The following L3MBTL4 variants were observed in gnomAD, a reference collection of about 807,000 sequenced individuals.
L3MBTL4 encodes lethal(3)malignant brain tumor-like protein 4.
In L3MBTL4, 70 loss-of-function variants were observed where a neutral mutation model predicts 84.5. The observed-to-expected ratio is 0.83, with a 90% CI of 0.68 to 1.01. The LOEUF (loss-of-function observed/expected upper bound fraction) is 1.01, where lower values mean the gene tolerates loss of function less well. Among genes scored for constraint, L3MBTL4 ranks in the 50% least tolerant of loss-of-function variants. L3MBTL4 has a pLI of 0.00. For missense variants in L3MBTL4, 715 were observed against 754.8 expected (o/e 0.95, Z 0.62); for synonymous variants, 274 against 259.8 (o/e 1.05, Z -0.52).
intron 1 of L3MBTL4, among the ~76,000 whole-genome samples, chr18:6,384,209 C>T (rs1318165703): frequency 6.6e-6 from 1 of 152,160 alleles, no homozygotes; most frequent in Non-Finnish European, 1.5e-5. Context: ...TTCCCCACGA[C>T]CTCATCAAAA....
intron 1 of L3MBTL4, among the ~76,000 whole-genome samples, chr18:6,366,728 A>G (rs911163825): frequency 6.6e-6 from 1 of 152,232 alleles, no homozygotes; most frequent in Non-Finnish European, 1.5e-5. Flanking sequence ...TGTGACAGGA[A>G]AACTCAGCTA....
chr18:6,029,149 C>A lies in L3MBTL4; in HGVS notation c.1444+51732G>T, dbSNP rs559077799. On this transcript the variant is annotated intron_variant, in intron 16 of 18. Transcript: ENST00000317931. ...TATGAGGATTGAATTACTGTAATTTCTATCAGCAAATAAAAGAACAGCCAA... is the reference window on the plus strand; with the variant it reads ...TATGAGGATTGAATTACTGTAATTTATATCAGCAAATAAAAGAACAGCCAA... Among the ~76,000 whole-genome samples the A allele has an allele frequency of 5.9e-5, 9 of 152,254 alleles. No homozygotes were observed. In the East Asian group the frequency reaches 1.7e-3, roughly 29 times the overall value.
intron 14 of L3MBTL4, among the ~76,000 whole-genome samples, chr18:6,118,821 A>C (rs1450083587): frequency 6.6e-6 from 1 of 152,156 alleles, no homozygotes; most frequent in Non-Finnish European, 1.5e-5. Flanking sequence ...AAAAGTGGTT[A>C]ACTAAAGGAA....
chr18:6,237,443 A>ATTT (rs1386641049), intron 10 of L3MBTL4, among the ~76,000 whole-genome samples: 1 of 132,038 alleles, frequency 7.6e-6, no homozygotes, highest in African/African-American at 3.0e-5. Context: ...TGCCTAGTAC[A>ATTT]TCTTTTTTTT....
At chr18:6,287,657 T>G (rs2601556) in intron 4 of L3MBTL4, among the ~76,000 whole-genome samples, 31,993 of 151,996 alleles carry the variant, frequency 0.21, 3,623 homozygotes, top group African/African-American at 0.3. Flanking sequence ...GGACAAAGAG[T>G]CAAGACCAAG....
chr18:6,188,141 T>G (rs2044873222), intron 12 of L3MBTL4, among the ~76,000 whole-genome samples: 1 of 152,078 alleles, frequency 6.6e-6, no homozygotes, highest in Non-Finnish European at 1.5e-5. Context: ...TCCTGGGGTC[T>G]GGAATCTGAA....
chr18:6,224,259 C>A (rs371512705), intron 10 of L3MBTL4, among the ~76,000 whole-genome samples: 1 of 152,090 alleles, frequency 6.6e-6, no homozygotes, highest in Admixed American at 6.5e-5. Flanking sequence ...CAAAACTTTA[C>A]AAAGCTAAAA....
intron 16 of L3MBTL4, among the ~76,000 whole-genome samples, chr18:5,999,475 C>G (rs182875962): frequency 1.3e-5 from 2 of 152,312 alleles, no homozygotes; most frequent in East Asian, 3.9e-4. Context: ...TCAGAGTGTG[C>G]TGTGCTTCAT....
At chr18:6,201,201 C>T (rs2045634729) in intron 12 of L3MBTL4, among the ~76,000 whole-genome samples, 1 of 152,100 alleles carries the variant, frequency 6.6e-6, no homozygotes, top group Non-Finnish European at 1.5e-5. Flanking sequence ...ATGATGAAAA[C>T]TAAATTCATG....
chr18:6,066,384 T>C (rs764797753), intron 16 of L3MBTL4, among the ~76,000 whole-genome samples: 13 of 152,114 alleles, frequency 8.5e-5, no homozygotes, highest in Non-Finnish European at 8.8e-5. Context: ...TTCTAGGGTA[T>C]AGTTTAAGTC....
intron 4 of L3MBTL4, among the ~76,000 whole-genome samples, chr18:6,272,884 CA>C (rs1418701571): frequency 8.3e-6 from 1 of 119,892 alleles, no homozygotes; most frequent in African/African-American, 3.9e-5. Context: ...TGTGCAGATT[CA>C]ACTAGGACTG....
chr18:6,032,061 T>C, intron 16 of L3MBTL4: 1 of 205,358 alleles, frequency 4.9e-6, no homozygotes, highest in Non-Finnish European at 9.2e-6. Context: ...CAGTGTAATC[T>C]CTGCCTCCCA....
chr18:6,276,213 T>C (rs2049071219), intron 4 of L3MBTL4, among the ~76,000 whole-genome samples: 2 of 152,366 alleles, frequency 1.3e-5, no homozygotes, highest in Non-Finnish European at 2.9e-5. Flanking sequence ...ATATATTGAC[T>C]GATGTCTTAT....
At chr18:6,030,754 A>AT in intron 16 of L3MBTL4, 2 of 980,618 alleles carry the variant, frequency 2.0e-6, no homozygotes, top group Non-Finnish European at 2.4e-6. Flanking sequence ...TATTTCGTTA[A>AT]TTTTCTAAGA....
chr18:6,233,479 A>G (rs2047083070), intron 10 of L3MBTL4, among the ~76,000 whole-genome samples: 1 of 149,956 alleles, frequency 6.7e-6, no homozygotes, highest in Non-Finnish European at 1.5e-5. Context: ...AAGTCTCAGA[A>G]TACAAAATAA....
intron 16 of L3MBTL4, among the ~76,000 whole-genome samples, chr18:6,011,951 C>T (rs1260747498): frequency 6.6e-6 from 1 of 152,212 alleles, no homozygotes; most frequent in African/African-American, 2.4e-5. Context: ...TTTCCGATTC[C>T]CATTAGTAGT....
chr18:6,270,772 A>T (rs1284121090), intron 4 of L3MBTL4, among the ~76,000 whole-genome samples: 2 of 152,168 alleles, frequency 1.3e-5, no homozygotes, highest in African/African-American at 4.8e-5. Context: ...CAGGGGCTGG[A>T]GGGGCAAACG....
chr18:5,988,715 T>C (rs910872267), intron 16 of L3MBTL4, among the ~76,000 whole-genome samples: 2 of 152,158 alleles, frequency 1.3e-5, no homozygotes, highest in African/African-American at 4.8e-5. Context: ...GTAAGTAATA[T>C]AGGTGGGCTA....
chr18:6,190,860 A>G (rs902385547), intron 12 of L3MBTL4, among the ~76,000 whole-genome samples: 1 of 152,192 alleles, frequency 6.6e-6, no homozygotes, highest in African/African-American at 2.4e-5. Context: ...ATTTGGGCGT[A>G]TGGGGAAGAA....
Sources: gnomAD v4.1 joint callset for allele counts (sites outside exome capture counted in the v4.1 genomes callset) on GRCh38, gnomAD v4.1.1 for gene constraint, MANE v1.5 for transcripts, NCBI Gene and HGNC (gene_info 2026-07-23, HGNC 2026-07-21) for gene names.